Variants in ANAPC4 observed in about 807,000 individuals in gnomAD.
The protein encoded by ANAPC4 is anaphase promoting complex subunit 4.
ANAPC4 carries 63 observed loss-of-function variants against 119.8 expected under a neutral mutation model. The ratio of observed to expected loss-of-function variants is 0.53; its 90% CI spans 0.43 to 0.65. The LOEUF is 0.65. Among genes scored for constraint, ANAPC4 ranks in the 30% least tolerant of loss-of-function variants. ANAPC4 has a pLI of 0.00. For synonymous variants in ANAPC4, 283 were observed against 318.6 expected, an observed-to-expected ratio of 0.89 and a Z score of 1.19; for missense variants, 716 against 945.1, an observed-to-expected ratio of 0.76 and a Z score of 3.18.
chr4:25,400,514 A>G (rs1047945961), intron 16 of ANAPC4, among the ~76,000 whole-genome samples: 10 of 152,262 alleles, frequency 6.6e-5, no homozygotes, highest in African/African-American at 2.2e-4. Context: ...GAATACAAGG[A>G]GAGCTGTGAA....
rs143298243 is a variant in ANAPC4 at position 25,413,435 on chromosome 4, G to A, written c.1526-210G>A. 8.0e-4 allele frequency: 354 copies of A among 445,020 alleles called. No homozygotes were observed. The East Asian group carries it at 0.011, about 13-fold the overall frequency. 27.6% of individuals were successfully genotyped at this position (445,020 alleles called of 1,614,324 possible). On this transcript the variant is annotated intron_variant, in intron 21 of 28. Coordinates refer to ENST00000315368, the MANE Select transcript of ANAPC4 (RefSeq NM_013367.3). ...GTCTAAGTTTGTAGTAAGTGAGATT[G>A]TTTTTAGTGAGCTGTCAGCGGGGGT...
At position 25,413,657 on chromosome 4, in the gene ANAPC4, T is replaced by C. The variant is rs1197259782; in HGVS notation, c.1538T>C (p.Leu513Pro). 6.2e-7 allele frequency: 1 copy of C among 1,613,000 alleles called. No homozygotes were observed. Among genetic ancestry groups the C allele is most frequent in the Non-Finnish European group, 8.5e-7 (1 of 1,179,516 alleles). The change falls in exon 22 of 29, where the codon CTG becomes CCG. Residue 513 changes from leucine (L) to proline (P), a missense_variant. Leu to Pro is a moderately conservative substitution (Grantham distance 98, BLOSUM62 -3). Around this residue, in one of 3 missense-constraint regions of ANAPC4, gnomAD observed 504 missense variants for 615.8 expected, o/e 0.82. Coordinates refer to ENST00000315368, the MANE Select transcript of ANAPC4 (RefSeq NM_013367.3). ...TGTTTGAAACCAGAAAGTCCTTTGC[T>C]GTTTCCTTATTATCCTCGAAAATCA... ...NSSHLKESPL[L>P]FPYYPRKSLH...
intron 10 of ANAPC4, among the ~76,000 whole-genome samples, chr4:25,393,043 A>G (rs530468101): frequency 2.3e-4 from 35 of 152,206 alleles, no homozygotes; most frequent in Admixed American, 2.6e-4. Context: ...AGCGAGACTC[A>G]AGGGCTGAAG....
intron 16 of ANAPC4, among the ~76,000 whole-genome samples, chr4:25,397,115 G>A (rs925170655): frequency 3.9e-5 from 6 of 152,130 alleles, no homozygotes; most frequent in African/African-American, 1.2e-4. Flanking sequence ...AGGTCTTCTC[G>A]CCAGAGGGAA....
chr4:25,395,216 AT>A (rs1414285710), intron 14 of ANAPC4: 1 of 202,342 alleles, frequency 4.9e-6, no homozygotes, highest in South Asian at 1.4e-4. Flanking sequence ...TGAGATTAAC[AT>A]TTTACAGTTT....
chr4:25,403,197 G>A (rs1223250214), intron 17 of ANAPC4, among the ~76,000 whole-genome samples, 171 bp downstream of exon 17: 1 of 151,970 alleles, frequency 6.6e-6, no homozygotes, highest in Non-Finnish European at 1.5e-5. Context: ...CACATGGGCA[G>A]TCTTACTTTA....
chr4:25,386,899 ACT>A (rs544470417), intron 4 of ANAPC4, among the ~76,000 whole-genome samples: 49 of 152,322 alleles, frequency 3.2e-4, no homozygotes, highest in African/African-American at 1.2e-3. Flanking sequence ...AAAAATAGTT[ACT>A]GAGGCACAAA....
intron 27 of ANAPC4, chr4:25,417,390 A>G (rs1577405638): frequency 3.0e-6 from 1 of 330,524 alleles, no homozygotes; most frequent in African/African-American, 2.2e-5. Flanking sequence ...CAAAGTGCTG[A>G]GATTCCAGGC....
At chr4:25,377,689 C>A in intron 2 of ANAPC4, 133 bp downstream of exon 2, 1 of 1,316,178 alleles carries the variant, frequency 7.6e-7, no homozygotes, top group Admixed American at 2.6e-5. Context: ...CATGGCTGGC[C>A]ACCTGCTACC....
intron 25 of ANAPC4, 46 bp from the exon 26 acceptor site, chr4:25,415,420 C>A: frequency 1.4e-6 from 2 of 1,430,290 alleles, no homozygotes; most frequent in Non-Finnish European, 2.0e-6. Flanking sequence ...ATTGACTATC[C>A]AGGTTGTTCC....
Position 25,389,111 on chromosome 4 carries a change from C to G in ANAPC4, c.515+229C>G, listed in dbSNP as rs932641429. ...GCACAAGCGATTCTCCTGTCTCAGCCTCCTCCGAGTAGCTGGGACTACAGG... is the reference window on the plus strand; with the variant it reads ...GCACAAGCGATTCTCCTGTCTCAGCGTCCTCCGAGTAGCTGGGACTACAGG... On this transcript the variant is annotated intron_variant, in intron 7 of 28. Coordinates refer to ENST00000315368, the MANE Select transcript of ANAPC4 (RefSeq NM_013367.3). Among the ~76,000 whole-genome samples, 9 of 151,872 alleles carry G rather than the reference C, an allele frequency of 5.9e-5. No individual in the cohort carries two copies. The East Asian group carries it at 1.7e-3, about 29-fold the overall frequency.
At chr4:25,389,083 T>G (rs992246184) in intron 7 of ANAPC4, among the ~76,000 whole-genome samples, 4 of 152,138 alleles carry the variant, frequency 2.6e-5, no homozygotes, top group Admixed American at 2.0e-4. Flanking sequence ...CTCTACTTCC[T>G]GGGCACAAGC....
intron 2 of ANAPC4, 65 bp downstream of exon 2, chr4:25,377,621 C>A: frequency 2.0e-6 from 3 of 1,495,482 alleles, no homozygotes; most frequent in Non-Finnish European, 1.8e-6. Flanking sequence ...GAACACCGAG[C>A]CCGAGCCTGT....
chr4:25,417,875 T>G, intron 28 of ANAPC4, 136 bp downstream of exon 28: 1 of 1,240,326 alleles, frequency 8.1e-7, no homozygotes, highest in Non-Finnish European at 1.1e-6. Flanking sequence ...CTTGTATTGA[T>G]TATGATCATG....
At chr4:25,380,697 G>A in intron 3 of ANAPC4, 1 of 371,638 alleles carries the variant, frequency 2.7e-6, no homozygotes, top group South Asian at 7.5e-5. Context: ...ATAAAATCTG[G>A]CTTCTTGGCA....
chr4:25,394,407 G>C (rs758153353), intron 12 of ANAPC4, 33 bp downstream of exon 12: 7 of 1,534,886 alleles, frequency 4.6e-6, no homozygotes, highest in Non-Finnish European at 6.1e-6. Context: ...TCCTGTTTTT[G>C]CTTCTTTTTT....
chr4:25,393,951 C>T, intron 11 of ANAPC4, 60 bp downstream of exon 11: 1 of 1,326,188 alleles, frequency 7.5e-7, no homozygotes, highest in East Asian at 2.5e-5. Context: ...ATGTCTTTAC[C>T]TTGAGGTACA....
intron 14 of ANAPC4, 71 bp downstream of exon 14, chr4:25,394,976 CT>C: frequency 6.7e-6 from 8 of 1,187,840 alleles, no homozygotes; most frequent in South Asian, 2.8e-5. Flanking sequence ...TTTCCGCCGC[CT>C]TTTCTTCATC....
chr4:25,394,463 GA>G, intron 12 of ANAPC4, 89 bp downstream of exon 12: 12 of 1,220,732 alleles, frequency 9.8e-6, no homozygotes, highest in Non-Finnish European at 1.2e-5. Flanking sequence ...CATAGTATGT[GA>G]TTTTTTTAAT....
Sources: gnomAD v4.1 joint callset for allele counts (sites outside exome capture counted in the v4.1 genomes callset) on GRCh38, gnomAD v4.1.1 for gene constraint, gnomAD v4.1.1 regional missense constraint, MANE v1.5 for transcripts, NCBI Gene and HGNC (gene_info 2026-07-23, HGNC 2026-07-21) for gene names.